The following KLHDC2 variants were observed in gnomAD, a reference collection of about 807,000 sequenced individuals.
KLHDC2 encodes kelch domain containing 2, also known as kelch domain-containing protein 2.
In KLHDC2, 38 loss-of-function variants were observed where a neutral mutation model predicts 62.3. The ratio of observed to expected loss-of-function variants is 0.61; its 90% CI spans 0.47 to 0.80. The LOEUF (loss-of-function observed/expected upper bound fraction) is 0.80. Among genes scored for constraint, KLHDC2 ranks in the 30% least tolerant of loss-of-function variants. The probability of loss-of-function intolerance (pLI) is 0.00; values close to 1 mark genes in which losing one functional copy is unlikely to be tolerated. For missense variants in KLHDC2, 430 were observed against 495.3 expected, an observed-to-expected ratio of 0.87 and a Z score of 1.25; for synonymous variants, 159 against 161.0, an observed-to-expected ratio of 0.99 and a Z score of 0.09.
chr14:49,770,048 A>G (rs140449608), intron 1 of KLHDC2, among the ~76,000 whole-genome samples: 1 of 152,194 alleles, frequency 6.6e-6, no homozygotes, highest in Non-Finnish European at 1.5e-5. Context: ...AAACCTGTCA[A>G]TGACACTTCT....
chr14:49,780,652 G>A (rs982444689), intron 9 of KLHDC2, 51 bp from the exon 10 acceptor site: 1 of 1,173,432 alleles, frequency 8.5e-7, no homozygotes, highest in Non-Finnish European at 1.3e-6. Flanking sequence ...CCCTTTAAAT[G>A]TCAATGTCAT....
In KLHDC2 at chr14:49,784,791, A is replaced by G; in HGVS notation, c.*1838A>G. ...TTCTTTTATGACAAAAACGAAAAACATTTCCAAACTTTTAGCTGAGATGGT... is the reference window on the plus strand; with the variant it reads ...TTCTTTTATGACAAAAACGAAAAACGTTTCCAAACTTTTAGCTGAGATGGT... On this transcript the variant is annotated 3_prime_UTR_variant, in exon 13 of 13. Transcript: ENST00000298307. 1 of 1,458,728 alleles carries G rather than the reference A, an allele frequency of 6.9e-7. No individual in the cohort carries two copies. The allele number at this position is 1,458,728 out of a possible 1,614,324, so 90.4% of individuals were successfully genotyped here.
chr14:49,780,361 A>C (rs773015541), intron 9 of KLHDC2, 39 bp downstream of exon 9: 6 of 1,221,106 alleles, frequency 4.9e-6, no homozygotes, highest in Non-Finnish European at 4.9e-6. Flanking sequence ...ATCATCATAT[A>C]TCATCCATAT....
At chr14:49,773,054 T>C (rs1889696019) in intron 2 of KLHDC2, among the ~76,000 whole-genome samples, 1 of 152,240 alleles carries the variant, frequency 6.6e-6, no homozygotes, top group Admixed American at 6.5e-5. Context: ...TCTTAATCTT[T>C]TTCTAGAGAA....
chr14:49,783,973 A>G lies in KLHDC2; in HGVS notation c.*1020A>G, dbSNP rs1890038763. 6.6e-6 allele frequency: 1 copy of G among 152,158 alleles called. No homozygotes were observed. The highest frequency in any genetic ancestry group is 1.5e-5 in the Non-Finnish European group (1 of 68,004). 9.4% of individuals were successfully genotyped at this position (152,158 alleles called of 1,614,324 possible). On this transcript the variant is annotated 3_prime_UTR_variant, in exon 13 of 13. Coordinates refer to ENST00000298307, the MANE Select transcript of KLHDC2 (RefSeq NM_014315.3). ...CTGGCCTATAATATATATATATTAG[A>G]TGTTATATACAGTAGACTTACCAAG...
At position 49,768,467 on chromosome 14, in the gene KLHDC2, A is replaced by C; in HGVS notation, c.-2A>C. 2 of 1,608,900 alleles carry C rather than the reference A, an allele frequency of 1.2e-6. No individual in the cohort carries two copies. Among genetic ancestry groups the C allele is most frequent in the Non-Finnish European group, 1.7e-6 (2 of 1,178,240 alleles). On this transcript the variant is annotated 5_prime_UTR_variant, in exon 1 of 13. Transcript: ENST00000298307. Reference sequence around the variant, plus strand: ...GTTGGTTAGCAAAAGTGCAGCCTCAAGATGGCTGATGGCAACGAGGATCTG... The same window carrying C: ...GTTGGTTAGCAAAAGTGCAGCCTCACGATGGCTGATGGCAACGAGGATCTG...
At position 49,785,262 on chromosome 14, in the gene KLHDC2, GCAAACAGTAGTACATCTTCAGGA is replaced by G; in HGVS notation, c.*2310_*2332del. On this transcript the variant is annotated 3_prime_UTR_variant, in exon 13 of 13. Transcript: ENST00000298307. ...GGTGTAAGGGGCACATATTGGAATG[GCAAACAGTAGTACATCTTCAGGA>G]TGTGGCTGGCCTGTCAAAGAATCAA... is the stretch of plus-strand genomic sequence containing the variant. 6.2e-7 allele frequency: 1 copy of G among 1,613,900 alleles called. No individual in the cohort carries two copies. The highest frequency in any genetic ancestry group is 8.5e-7 in the Non-Finnish European group (1 of 1,179,876).
At chr14:49,772,881 G>A (rs910901028) in intron 2 of KLHDC2, among the ~76,000 whole-genome samples, 4 of 152,166 alleles carry the variant, frequency 2.6e-5, no homozygotes, top group African/African-American at 7.2e-5. Context: ...ACCTGAACCC[G>A]GGAGGCAGAG....
At chr14:49,777,685 C>G (rs904675243) in intron 3 of KLHDC2, 154 bp from the exon 4 acceptor site, 11 of 500,666 alleles carry the variant, frequency 2.2e-5, no homozygotes, top group Non-Finnish European at 3.9e-5. Context: ...GAATCCTCAT[C>G]TGGACTCTGA....
rs750294391 is a variant in KLHDC2, at chr14:49,780,530, A to C, written c.884-173A>C. On this transcript the variant is annotated intron_variant, in intron 9 of 12. Coordinates refer to ENST00000298307, the MANE Select transcript of KLHDC2 (RefSeq NM_014315.3). ...CCTGGAGCACTTAAGAGCCCTGCTG[A>C]AGGGCTACAACATGCAAAGGGCTTA... 44 of 645,818 alleles carry C rather than the reference A, an allele frequency of 6.8e-5. No individual in the cohort carries two copies. In the Middle Eastern group the frequency reaches 2.4e-3, roughly 36 times the overall value. The allele number at this position is 645,818 out of a possible 1,614,324, so 40.0% of individuals were successfully genotyped here.
chr14:49,783,340 C>A lies in KLHDC2; in HGVS notation c.*387C>A, dbSNP rs138161495. The A allele has an allele frequency of 6.6e-6, 1 of 150,902 alleles. No homozygotes were observed. Among genetic ancestry groups the A allele is most frequent in the Non-Finnish European group, 1.5e-5 (1 of 68,818 alleles). The allele number at this position is 150,902 out of a possible 1,614,324, so 9.3% of individuals were successfully genotyped here. A position where few individuals can be genotyped will look rare whatever the true frequency, so the allele number is the denominator to read the frequency against. ...GCAAGAGTAGTCTATAGTTATGTAACCTAGTGTTGTAAATACAATATAATA... is the reference window on the plus strand; with the variant it reads ...GCAAGAGTAGTCTATAGTTATGTAAACTAGTGTTGTAAATACAATATAATA... On this transcript the variant is annotated 3_prime_UTR_variant, in exon 13 of 13. Coordinates refer to ENST00000298307, the MANE Select transcript of KLHDC2 (RefSeq NM_014315.3).
chr14:49,784,475 A>G lies in KLHDC2; in HGVS notation c.*1522A>G. ...ATAGACAGTGTTTCCTCTATATAAA[A>G]CTGGGAAAAAACAAGAAGTAAGTCC... On this transcript the variant is annotated 3_prime_UTR_variant, in exon 13 of 13. Transcript: ENST00000298307. 1.7e-6 allele frequency: 1 copy of G among 582,492 alleles called. No individual in the cohort carries two copies. The highest frequency in any genetic ancestry group is 3.0e-6 in the Non-Finnish European group (1 of 330,018). 36.1% of individuals were successfully genotyped at this position (582,492 alleles called of 1,614,324 possible).
In KLHDC2 at chr14:49,784,842, T is replaced by G; in HGVS notation, c.*1889T>G. 7.0e-7 allele frequency: 1 copy of G among 1,428,336 alleles called. No homozygotes were observed. The highest frequency in any genetic ancestry group is 9.8e-7 in the Non-Finnish European group (1 of 1,022,378). The allele number at this position is 1,428,336 out of a possible 1,614,324, so 88.5% of individuals were successfully genotyped here. ...TTTACTGCTTCTAATAAGACAGCAT[T>G]TTCTACTAAAATAACAAAAAACTGC... On this transcript the variant is annotated 3_prime_UTR_variant, in exon 13 of 13. Coordinates refer to ENST00000298307, the MANE Select transcript of KLHDC2 (RefSeq NM_014315.3).
In KLHDC2 at chr14:49,785,832, G is replaced by A. The variant is rs528422985; in HGVS notation, c.*2879G>A. On this transcript the variant is annotated 3_prime_UTR_variant, in exon 13 of 13. Coordinates refer to ENST00000298307, the MANE Select transcript of KLHDC2 (RefSeq NM_014315.3). ...GCCCAGGAGGTAGACGTTGTGGAGA[G>A]CCATGATCCTGTCACTGCACTGGGT... is the stretch of plus-strand genomic sequence containing the variant. 6.3e-4 allele frequency: 94 copies of A among 148,976 alleles called. 1 individual carries two copies. Among genetic ancestry groups the A allele is most frequent in the Middle Eastern group, 3.6e-3 (1 of 280 alleles). The allele number at this position is 148,976 out of a possible 1,614,324, so 9.2% of individuals were successfully genotyped here. A position where few individuals can be genotyped will look rare whatever the true frequency, so the allele number is the denominator to read the frequency against.
At chr14:49,774,204 G>A (rs772024790) in intron 2 of KLHDC2, among the ~76,000 whole-genome samples, 1 of 152,162 alleles carries the variant, frequency 6.6e-6, no homozygotes, top group South Asian at 2.1e-4. Context: ...TTTTCCTTCT[G>A]GGCTCCTGGC....
At chr14:49,778,563 G>T (rs1439731747) in intron 6 of KLHDC2, 69 bp downstream of exon 6, 4 of 668,088 alleles carry the variant, frequency 6.0e-6, no homozygotes, top group Non-Finnish European at 8.0e-6. Flanking sequence ...GGGTAGGGGA[G>T]AGGGGTGCAC....
At chr14:49,779,894 ACTTTT>A (rs901247240) in intron 8 of KLHDC2, 88 bp downstream of exon 8, 18 of 898,902 alleles carry the variant, frequency 2.0e-5, no homozygotes, top group Middle Eastern at 6.7e-4. Flanking sequence ...TCCTTGCTTA[ACTTTT>A]CTTTAACTAT....
At chr14:49,782,298 C>A in intron 10 of KLHDC2, 72 bp from the exon 11 acceptor site, 2 of 906,176 alleles carry the variant, frequency 2.2e-6, no homozygotes, top group Non-Finnish European at 3.5e-6. Flanking sequence ...TATTTCATAG[C>A]TCTATTCTGT....
chr14:49,780,217 C>G lies in KLHDC2; in HGVS notation c.778C>G (p.Pro260Ala). 3 of 1,596,022 alleles carry G rather than the reference C, an allele frequency of 1.9e-6. No homozygotes were observed. The highest frequency in any genetic ancestry group is 1.7e-6 in the Non-Finnish European group (2 of 1,163,910). ...TAACTTAGCTATTATTTTCAGAATTCCACAAGGCATATGCCCAGTTGGTCG... is the reference window on the plus strand; with the variant it reads ...TAACTTAGCTATTATTTTCAGAATTGCACAAGGCATATGCCCAGTTGGTCG... The part of the protein sequence containing the change: ...LDTWEWNELI[P>A]QGICPVGRSW... Residue 260 changes from proline (P) to alanine (A), a missense_variant, in exon 9 of 13, where the codon CCA becomes GCA. By Grantham distance (27) the Pro-to-Ala change is conservative. Coordinates refer to ENST00000298307, the MANE Select transcript of KLHDC2 (RefSeq NM_014315.3).
Sources: gnomAD v4.1 joint callset for allele counts (sites outside exome capture counted in the v4.1 genomes callset) on GRCh38, gnomAD v4.1.1 for gene constraint, MANE v1.5 for transcripts, NCBI Gene and HGNC (gene_info 2026-07-23, HGNC 2026-07-21) for gene names.